Variants in ZFP36L2 observed in about 807,000 individuals in gnomAD.
The protein encoded by ZFP36L2 is mRNA decay activator protein ZFP36L2.
In ZFP36L2, 16 loss-of-function variants were observed where a neutral mutation model predicts 27.9. The observed-to-expected ratio is 0.57, with a 90% CI of 0.39 to 0.87. The LOEUF is 0.87. Ranked by LOEUF, ZFP36L2 falls within the 40% of genes least tolerant of loss-of-function variation. The pLI, the probability that ZFP36L2 is intolerant of heterozygous loss-of-function variation, is 0.00. For synonymous variants in ZFP36L2, 600 were observed against 363.8 expected (o/e 1.65, Z -7.39); for missense variants, 989 against 726.9 (o/e 1.36, Z -4.15).
chr2:43,225,784 A>T, intron 1 of ZFP36L2, 32 bp from the exon 2 acceptor site: 1 of 1,565,554 alleles, frequency 6.4e-7, no homozygotes, highest in Non-Finnish European at 8.6e-7. Context: ...GGAAGGGATG[A>T]AAAACGGAAG....
chr2:43,223,379 GAATA>G lies in ZFP36L2; in HGVS notation c.*936_*939del, dbSNP rs992332102. Reference sequence around the variant, plus strand: ...GCAATCATAATTTAACATAATAAAAGAATATATATCTATTGCTTTTCATCATACT... The same window carrying G: ...GCAATCATAATTTAACATAATAAAAGTATATCTATTGCTTTTCATCATACT... On this transcript the variant is annotated 3_prime_UTR_variant, in exon 2 of 2. Transcript: ENST00000282388. 6 of 152,010 alleles carry G rather than the reference GAATA, an allele frequency of 3.9e-5. No individual in the cohort carries two copies. Among genetic ancestry groups the G allele is most frequent in the Admixed American group, 3.3e-4 (5 of 15,222 alleles). The allele number at this position is 152,010 out of a possible 1,614,324, so 9.4% of individuals were successfully genotyped here. A position where few individuals can be genotyped will look rare whatever the true frequency, so the allele number is the denominator to read the frequency against.
chr2:43,226,368 C>T lies in ZFP36L2; in HGVS notation c.-53G>A, dbSNP rs1667105642. On this transcript the variant is annotated 5_prime_UTR_variant, in exon 1 of 2. Transcript: ENST00000282388. ...GGCAGGCCGGGAGGTCGGGAGGAGC[C>T]CTTGGGGCGGCGTGGCCGGGCTTGA... 21 of 1,552,706 alleles carry T rather than the reference C, an allele frequency of 1.4e-5. No individual in the cohort carries two copies. Among genetic ancestry groups the T allele is most frequent in the Non-Finnish European group, 1.7e-5 (20 of 1,147,366 alleles).
rs749632105 is a variant in ZFP36L2, at chr2:43,224,331, G to A, written c.1473C>T (p.Ile491=). Residue 491 remains isoleucine (I), a synonymous_variant, in exon 2 of 2, where the codon ATC becomes ATT. Transcript: ENST00000282388. ...GCGCCCTCTTGCCTCAGTCGTCGGA[G>A]ATGGAGAGGCGGCTGAAGATTGGCA... ...RRLPIFSRLS[I]SDD The A allele has an allele frequency of 1.9e-6, 3 of 1,578,350 alleles. No individual in the cohort carries two copies. The highest frequency in any genetic ancestry group is 4.9e-5 in the East Asian group (2 of 40,796).
In ZFP36L2 at chr2:43,226,559, C is replaced by G. The variant is rs866109476; in HGVS notation, c.-244G>C. 4.0e-6 allele frequency: 2 copies of G among 503,960 alleles called. No homozygotes were observed. The highest frequency in any genetic ancestry group is 2.1e-5 in the African/African-American group (1 of 48,160). 31.2% of individuals were successfully genotyped at this position (503,960 alleles called of 1,614,324 possible). On this transcript the variant is annotated 5_prime_UTR_variant, in exon 1 of 2. Coordinates refer to ENST00000282388, the MANE Select transcript of ZFP36L2 (RefSeq NM_006887.5). ...CTCCTCCGCGCCCCGGGGTGCCCGG[C>G]CCGCCCCCCCCGCGGAGCCGACGGC...
intron 1 of ZFP36L2, among the ~76,000 whole-genome samples, 154 bp downstream of exon 1, chr2:43,226,111 C>T (rs1190951854): frequency 6.6e-6 from 1 of 152,236 alleles, no homozygotes; most frequent in Non-Finnish European, 1.5e-5. Context: ...GCCGCCCTCC[C>T]CGCCTCCAGG....
Position 43,225,494 on chromosome 2 carries a change from G to A in ZFP36L2, c.310C>T (p.Pro104Ser), listed in dbSNP as rs766192576. Reference protein sequence around the residue: ...GPTSYGTLKEPSGGGGTALLN... With the variant: ...GPTSYGTLKESSGGGGTALLN... The stretch of plus-strand genomic sequence containing the variant: ...AGGGCTGTGCCGCCGCCCCCCGACG[G>A]CTCCTTAAGGGTGCCGTAGGAGGTC... Residue 104 changes from proline (P) to serine (S), a missense_variant, in exon 2 of 2, where the codon CCG becomes TCG. Transcript: ENST00000282388. The A allele has an allele frequency of 7.5e-6, 12 of 1,608,926 alleles. No individual in the cohort carries two copies. The Admixed American group carries it at 2.0e-4, about 27-fold the overall frequency.
rs781621391 is a variant in ZFP36L2, at chr2:43,225,568, G to C, written c.236C>G (p.Pro79Arg). ...PSPGSCSPKF[P>R]GAANGSSCGS... The stretch of plus-strand genomic sequence containing the variant: ...GCAGCTGCTGCCGTTAGCGGCGCCC[G>C]GGAACTTGGGCGAGCAGCTGCCGGG... The change falls in exon 2 of 2, where the codon CCG becomes CGG. Residue 79 changes from proline to arginine, a missense_variant. Pro to Arg is a moderately radical substitution (Grantham distance 103). Coordinates refer to ENST00000282388, the MANE Select transcript of ZFP36L2 (RefSeq NM_006887.5). 79 of 1,566,788 alleles carry C rather than the reference G, an allele frequency of 5.0e-5. No homozygotes were observed. Among genetic ancestry groups the C allele is most frequent in the Non-Finnish European group, 5.9e-5 (69 of 1,161,646 alleles).
chr2:43,224,198 T>A lies in ZFP36L2; in HGVS notation c.*121A>T. On this transcript the variant is annotated 3_prime_UTR_variant, in exon 2 of 2. Transcript: ENST00000282388. Reference sequence around the variant, plus strand: ...TCCAAGTGCTCGGTCGGGCTTGCAGTCTGCCTAGGGCCCATGTCACCCCCC... The same window carrying A: ...TCCAAGTGCTCGGTCGGGCTTGCAGACTGCCTAGGGCCCATGTCACCCCCC... 1 of 1,048,964 alleles carries A rather than the reference T, an allele frequency of 9.5e-7. No homozygotes were observed. Among genetic ancestry groups the A allele is most frequent in the Non-Finnish European group, 1.2e-6 (1 of 802,888 alleles). 65.0% of individuals were successfully genotyped at this position (1,048,964 alleles called of 1,614,324 possible).
In ZFP36L2 at chr2:43,223,040, C is replaced by T. The variant is rs1287772264; in HGVS notation, c.*1279G>A. The T allele has an allele frequency of 1.3e-5, 2 of 152,312 alleles. No individual in the cohort carries two copies. The highest frequency in any genetic ancestry group is 2.9e-5 in the Non-Finnish European group (2 of 68,034). The allele number at this position is 152,312 out of a possible 1,614,324, so 9.4% of individuals were successfully genotyped here. A position where few individuals can be genotyped will look rare whatever the true frequency, so the allele number is the denominator to read the frequency against. Reference sequence around the variant, plus strand: ...GGAATTAGAAAAGCATGCCACATTTCAGCCTGATTGCAAAGTATGTGGTCA... The same window carrying T: ...GGAATTAGAAAAGCATGCCACATTTTAGCCTGATTGCAAAGTATGTGGTCA... On this transcript the variant is annotated 3_prime_UTR_variant, in exon 2 of 2. Coordinates refer to ENST00000282388, the MANE Select transcript of ZFP36L2 (RefSeq NM_006887.5).
Position 43,224,957 on chromosome 2 carries a change from G to A in ZFP36L2, c.847C>T (p.Pro283Ser), listed in dbSNP as rs758338333. 2.5e-6 allele frequency: 4 copies of A among 1,571,624 alleles called. No homozygotes were observed. The African/African-American group carries it at 4.2e-5, about 17-fold the overall frequency. Residue 283 changes from proline to serine, a missense_variant, in exon 2 of 2, where the codon CCC (proline) becomes TCC (serine). Coordinates refer to ENST00000282388, the MANE Select transcript of ZFP36L2 (RefSeq NM_006887.5). The stretch of plus-strand genomic sequence containing the variant: ...GGCGGCGGCGGCGTGCGCGACGTGG[G>A]GCTGTCGAGCAGCAGCGGCGACTCG... ...GLESPLLLDS[P>S]TSRTPPPPSC...
At position 43,225,213 on chromosome 2, in the gene ZFP36L2, G is replaced by A. The variant is rs1667062832; in HGVS notation, c.591C>T (p.Cys197=). 1.2e-6 allele frequency: 2 copies of A among 1,605,084 alleles called. No individual in the cohort carries two copies. The highest frequency in any genetic ancestry group is 1.7e-6 in the Non-Finnish European group (2 of 1,179,884). ...AGAAGCCGATGGTATGAAAGGTGCG[G>A]CACAGCTCGGTCTTGTACTTCGGAT... is the stretch of plus-strand genomic sequence containing the variant. ...TRHPKYKTEL[C]RTFHTIGFCP... is the part of the protein sequence containing the mutation. Residue 197 remains cysteine (C), a synonymous_variant, in exon 2 of 2, where the codon TGC becomes TGT. Coordinates refer to ENST00000282388, the MANE Select transcript of ZFP36L2 (RefSeq NM_006887.5).
At position 43,225,054 on chromosome 2, in the gene ZFP36L2, C is replaced by G; in HGVS notation, c.750G>C (p.Pro250=). ...DALHLGFPRE[P]RPKLHHSLSF... ...TGAGGCTGTGGTGCAACTTGGGCCG[C>G]GGCTCCCGCGGGAAGCCCAGGTGCA... The change falls in exon 2 of 2, where the codon CCG becomes CCC. Residue 250 remains proline (P), a synonymous_variant. Coordinates refer to ENST00000282388, the MANE Select transcript of ZFP36L2 (RefSeq NM_006887.5). The G allele has an allele frequency of 1.3e-6, 2 of 1,594,786 alleles. No homozygotes were observed. Among genetic ancestry groups the G allele is most frequent in the South Asian group, 1.1e-5 (1 of 90,876 alleles).
chr2:43,225,513 G>C lies in ZFP36L2; in HGVS notation c.291C>G (p.Ser97=). The change falls in exon 2 of 2, where the codon TCC becomes TCG. Residue 97 remains serine (S), a synonymous_variant. Transcript: ENST00000282388. Reference sequence around the variant, plus strand: ...CCGACGGCTCCTTAAGGGTGCCGTAGGAGGTCGGACCGCCGGCCGCCGCGC... The same window carrying C: ...CCGACGGCTCCTTAAGGGTGCCGTACGAGGTCGGACCGCCGGCCGCCGCGC... The part of the protein sequence containing the change: ...CGSAAAGGPT[S]YGTLKEPSGG... 1.1e-5 allele frequency: 17 copies of C among 1,601,738 alleles called. No homozygotes were observed. Among genetic ancestry groups the C allele is most frequent in the Non-Finnish European group, 1.4e-5 (16 of 1,176,434 alleles).
At chr2:43,226,205 C>T (rs1489013621) in intron 1 of ZFP36L2, 60 bp downstream of exon 1, 9 of 1,549,276 alleles carry the variant, frequency 5.8e-6, no homozygotes, top group South Asian at 1.2e-5. Context: ...AACCTGGGGA[C>T]AGAGGCAAAG....
Position 43,224,652 on chromosome 2 carries a change from G to C in ZFP36L2, c.1152C>G (p.Ala384=). The C allele has an allele frequency of 2.6e-6, 4 of 1,516,646 alleles. No homozygotes were observed. Among genetic ancestry groups the C allele is most frequent in the Non-Finnish European group, 3.5e-6 (4 of 1,136,552 alleles). 93.9% of individuals were successfully genotyped at this position (1,516,646 alleles called of 1,614,324 possible). ...GGTAGTAGGCGGCGGCGGCCACGGC[G>C]GCAAAGTTGTGGGTCTGGATGGCGA... ...TPLAIQTHNF[A]AVAAAAYYRS... The change falls in exon 2 of 2, where the codon GCC becomes GCG. Residue 384 remains alanine, a synonymous_variant. Transcript: ENST00000282388.
In ZFP36L2 at chr2:43,224,949, C is replaced by A. The variant is rs1667055639; in HGVS notation, c.855G>T (p.Ser285=). 1 of 1,550,744 alleles carries A rather than the reference C, an allele frequency of 6.4e-7. No homozygotes were observed. ...ESPLLLDSPT[S]RTPPPPSCSS... is the part of the protein sequence containing the mutation. ...AGCAGGAGGGCGGCGGCGGCGTGCG[C>A]GACGTGGGGCTGTCGAGCAGCAGCG... Residue 285 remains serine, a synonymous_variant, in exon 2 of 2, where the codon TCG becomes TCT. Coordinates refer to ENST00000282388, the MANE Select transcript of ZFP36L2 (RefSeq NM_006887.5).
chr2:43,223,990 T>G lies in ZFP36L2; in HGVS notation c.*329A>C, dbSNP rs1340597026. The G allele has an allele frequency of 4.4e-6, 1 of 225,686 alleles. No individual in the cohort carries two copies. The highest frequency in any genetic ancestry group is 2.5e-5 in the African/African-American group (1 of 39,532). 14.0% of individuals were successfully genotyped at this position (225,686 alleles called of 1,614,324 possible). A position where few individuals can be genotyped will look rare whatever the true frequency, so the allele number is the denominator to read the frequency against. ...CATCGGAGTCCTAACAAAGTTTAAG[T>G]GTTTTTTTTTTTTTTTTGTTCTATT... On this transcript the variant is annotated 3_prime_UTR_variant, in exon 2 of 2. Coordinates refer to ENST00000282388, the MANE Select transcript of ZFP36L2 (RefSeq NM_006887.5).
chr2:43,224,295 C>T lies in ZFP36L2; in HGVS notation c.*24G>A, dbSNP rs909459987. ...CAACATCTCTGAACCGCCTTCCCTT[C>T]CTCCTCACTGGCGCCCTCTTGCCTC... On this transcript the variant is annotated 3_prime_UTR_variant, in exon 2 of 2. Transcript: ENST00000282388. 11 of 1,540,588 alleles carry T rather than the reference C, an allele frequency of 7.1e-6. No individual in the cohort carries two copies. Among genetic ancestry groups the T allele is most frequent in the East Asian group, 2.6e-5 (1 of 39,162 alleles).
chr2:43,223,401 A>G lies in ZFP36L2; in HGVS notation c.*918T>C, dbSNP rs1558427083. ...AAAGAATATATATCTATTGCTTTTCATCATACTTGATAAATACAGTATGAA... is the reference window on the plus strand; with the variant it reads ...AAAGAATATATATCTATTGCTTTTCGTCATACTTGATAAATACAGTATGAA... On this transcript the variant is annotated 3_prime_UTR_variant, in exon 2 of 2. Coordinates refer to ENST00000282388, the MANE Select transcript of ZFP36L2 (RefSeq NM_006887.5). The G allele has an allele frequency of 6.6e-6, 1 of 151,572 alleles. No individual in the cohort carries two copies. Among genetic ancestry groups the G allele is most frequent in the Non-Finnish European group, 1.5e-5 (1 of 68,024 alleles). 9.4% of individuals were successfully genotyped at this position (151,572 alleles called of 1,614,324 possible).
Sources: gnomAD v4.1 joint callset for allele counts (sites outside exome capture counted in the v4.1 genomes callset) on GRCh38, gnomAD v4.1.1 for gene constraint, MANE v1.5 for transcripts, NCBI Gene and HGNC (gene_info 2026-07-23, HGNC 2026-07-21) for gene names.